AGBL3: variants seen among roughly 807,000 people sequenced by gnomAD.
The protein encoded by AGBL3 is cytosolic carboxypeptidase 3.
A neutral mutation model predicts 94.5 loss-of-function variants in AGBL3; 68 were observed. The ratio of observed to expected loss-of-function variants is 0.72; its 90% CI spans 0.59 to 0.88. The LOEUF (loss-of-function observed/expected upper bound fraction) is 0.88. Among genes scored for constraint, AGBL3 ranks in the 40% least tolerant of loss-of-function variants. The probability of loss-of-function intolerance (pLI) is 0.00; values close to 1 mark genes in which losing one functional copy is unlikely to be tolerated. For synonymous variants in AGBL3, 354 were observed against 370.7 expected (o/e 0.95, Z 0.52); for missense variants, 934 against 1,103.8 (o/e 0.85, Z 2.18).
chr7:135,064,740 GTTAAC>G (rs2116726045), intron 12 of AGBL3, among the ~76,000 whole-genome samples: 1 of 152,308 alleles, frequency 6.6e-6, no homozygotes, highest in East Asian at 1.9e-4. Context: ...TGGTAAAATA[GTTAAC>G]TTAATTTTGT....
intron 15 of AGBL3, among the ~76,000 whole-genome samples, chr7:135,097,237 G>A (rs1823042126): frequency 6.6e-6 from 1 of 152,114 alleles, no homozygotes; most frequent in African/African-American, 2.4e-5. Context: ...TGTAAAAGAT[G>A]TGTTGGCCTC....
At chr7:135,091,459 G>C (rs943084985) in intron 15 of AGBL3, among the ~76,000 whole-genome samples, 14 of 151,928 alleles carry the variant, frequency 9.2e-5, no homozygotes, top group Admixed American at 2.0e-4. Context: ...ATCATGTTTG[G>C]TTGAAAAATA....
At chr7:135,004,074 A>G (rs1410553826) in intron 4 of AGBL3, among the ~76,000 whole-genome samples, 1 of 151,752 alleles carries the variant, frequency 6.6e-6, no homozygotes, top group Non-Finnish European at 1.5e-5. Flanking sequence ...CTGGTTTAAA[A>G]TAAATTTTTT....
chr7:135,075,436 C>T (rs551291701), intron 12 of AGBL3, among the ~76,000 whole-genome samples: 1 of 152,066 alleles, frequency 6.6e-6, no homozygotes, highest in South Asian at 2.1e-4. Flanking sequence ...TATTTCTGTG[C>T]AGTATTCCGT....
chr7:135,053,078 C>T (rs185013928), intron 11 of AGBL3, among the ~76,000 whole-genome samples: 49 of 152,180 alleles, frequency 3.2e-4, no homozygotes, highest in Non-Finnish European at 5.6e-4. Context: ...ACCACTTTTT[C>T]CAGAGATATA....
chr7:135,037,560 A>G lies in AGBL3; in HGVS notation c.1480A>G (p.Ser494Gly). 6.5e-7 allele frequency: 1 copy of G among 1,540,142 alleles called. No individual in the cohort carries two copies. The highest frequency in any genetic ancestry group is 8.8e-7 in the Non-Finnish European group (1 of 1,142,658). The change falls in exon 8 of 17, where the codon AGC becomes GGC. Residue 494 changes from serine to glycine, a missense_variant. By Grantham distance (56) the Ser-to-Gly change is moderately conservative (BLOSUM62 0). Around this residue, in one of 3 missense-constraint regions of AGBL3, gnomAD observed 441 missense variants for 518.2 expected, o/e 0.85. Transcript: ENST00000436302. Reference sequence around the variant, plus strand: ...GCAACGAATCTTCCCACTTATGCTAAGCAAAAATTGTCCAGATAAAGTAAG... The same window carrying G: ...GCAACGAATCTTCCCACTTATGCTAGGCAAAAATTGTCCAGATAAAGTAAG... ...LQQRIFPLML[S>G]KNCPDKFSFS...
In AGBL3 at chr7:135,018,637, C is replaced by T. The variant is rs141351912; in HGVS notation, c.418+1478C>T. Among the ~76,000 whole-genome samples, 352 of 152,038 alleles carry T rather than the reference C, an allele frequency of 2.3e-3. 1 individual carries two copies. The highest frequency in any genetic ancestry group is 7.8e-3 in the African/African-American group (323 of 41,440). ...CTTGACTTACTTGATTTTCATTGAACGTGTGAAAGATTAATTGTAAATATT... is the reference window on the plus strand; with the variant it reads ...CTTGACTTACTTGATTTTCATTGAATGTGTGAAAGATTAATTGTAAATATT... On this transcript the variant is annotated intron_variant, in intron 5 of 16. Transcript: ENST00000436302.
intron 11 of AGBL3, among the ~76,000 whole-genome samples, chr7:135,055,107 A>C (rs1818222403): frequency 6.6e-6 from 1 of 152,158 alleles, no homozygotes; most frequent in Non-Finnish European, 1.5e-5. Context: ...ATCCATCACC[A>C]CAACTAATCC....
intron 15 of AGBL3, among the ~76,000 whole-genome samples, chr7:135,101,471 G>T (rs1585119148): frequency 6.6e-6 from 1 of 151,822 alleles, no homozygotes; most frequent in African/African-American, 2.4e-5. Context: ...AATATAGAAG[G>T]AAATTATTTC....
intron 16 of AGBL3, among the ~76,000 whole-genome samples, chr7:135,132,181 T>C (rs1447864319): frequency 6.6e-6 from 1 of 152,166 alleles, no homozygotes; most frequent in African/African-American, 2.4e-5. Flanking sequence ...GTTAGTGTGA[T>C]ATCAAAACCA....
chr7:135,067,871 G>A (rs954386375), intron 12 of AGBL3, among the ~76,000 whole-genome samples: 6 of 152,166 alleles, frequency 3.9e-5, no homozygotes, highest in East Asian at 1.9e-4. Context: ...CACCAGCAAC[G>A]GAACAAAGCT....
At chr7:135,033,842 T>C (rs1233175398) in intron 6 of AGBL3, among the ~76,000 whole-genome samples, 1 of 152,178 alleles carries the variant, frequency 6.6e-6, no homozygotes, top group Non-Finnish European at 1.5e-5. Flanking sequence ...TTTAATCATT[T>C]CTTATATAGA....
Position 135,034,793 on chromosome 7 carries a change from C to T in AGBL3, c.1202C>T (p.Pro401Leu). 6.4e-7 allele frequency: 1 copy of T among 1,552,288 alleles called. No individual in the cohort carries two copies. Among genetic ancestry groups the T allele is most frequent in the South Asian group, 1.2e-5 (1 of 84,038 alleles). The change falls in exon 7 of 17, where the codon CCC becomes CTC. Residue 401 changes from proline to leucine, a missense_variant. Around this residue, in one of 3 missense-constraint regions of AGBL3, gnomAD observed 488 missense variants for 563.6 expected, o/e 0.87. Transcript: ENST00000436302. ...LRDTFVFKVV[P>L]MLNPDGVIVG... ...GACACTTTTGTCTTCAAGGTGGTAC[C>T]CATGCTCAATCCAGATGGTGTGATT...
At chr7:135,097,795 G>A (rs1823137200) in intron 15 of AGBL3, among the ~76,000 whole-genome samples, 1 of 152,082 alleles carries the variant, frequency 6.6e-6, no homozygotes, top group African/African-American at 2.4e-5. Flanking sequence ...TTGTGACAAA[G>A]ACGTGTATGG....
intron 11 of AGBL3, among the ~76,000 whole-genome samples, chr7:135,057,240 C>T (rs923804193): frequency 3.3e-5 from 5 of 152,080 alleles, no homozygotes; most frequent in Non-Finnish European, 7.4e-5. Context: ...ACACCTTTCA[C>T]GAAAATTAAC....
intron 3 of AGBL3, among the ~76,000 whole-genome samples, chr7:134,990,620 AT>A (rs1400118289): frequency 6.6e-6 from 1 of 152,174 alleles, no homozygotes; most frequent in Non-Finnish European, 1.5e-5. Context: ...TAGGAATAGT[AT>A]TATTGGGTTA....
At chr7:135,133,215 CA>C (rs201141835) in intron 16 of AGBL3, among the ~76,000 whole-genome samples, 3 of 151,544 alleles carry the variant, frequency 2.0e-5, no homozygotes, top group South Asian at 2.1e-4. Context: ...CAAAATATCT[CA>C]AAAAAAATAC....
chr7:135,015,139 C>T (rs531543668), intron 4 of AGBL3, among the ~76,000 whole-genome samples: 2 of 152,204 alleles, frequency 1.3e-5, no homozygotes, highest in Admixed American at 6.5e-5. Flanking sequence ...TATCAGGAAT[C>T]CATGTTGATG....
rs147147751 is a variant in AGBL3, at chr7:134,999,427, C to T, written c.310+5749C>T. On this transcript the variant is annotated intron_variant, in intron 4 of 16. Transcript: ENST00000436302. ...TTGAAGCATTTATTTGTATTTTGTG[C>T]CTCAGAGGGAGTAAGAGAAATATGC... Among the ~76,000 whole-genome samples the T allele has an allele frequency of 2.6e-5, 4 of 152,292 alleles. No individual in the cohort carries two copies. In the East Asian group the frequency reaches 7.7e-4, roughly 29 times the overall value.
Sources: allele counts gnomAD v4.1 joint callset (sites outside exome capture counted in the v4.1 genomes callset), GRCh38; gene constraint gnomAD v4.1.1; regional missense constraint gnomAD v4.1.1; transcripts MANE v1.5; gene names NCBI Gene and HGNC (gene_info 2026-07-23, HGNC 2026-07-21).